The following TTC28 variants were observed in gnomAD, a reference collection of about 807,000 sequenced individuals.
The protein encoded by TTC28 is tetratricopeptide repeat protein 28.
TTC28 carries 61 observed loss-of-function variants against 198.0 expected under a neutral mutation model. The ratio of observed to expected loss-of-function variants is 0.31; its 90% CI spans 0.25 to 0.38. TTC28 has a LOEUF of 0.38. Ranked by LOEUF, TTC28 falls within the 10% of genes least tolerant of loss-of-function variation. The pLI, the probability that TTC28 is intolerant of heterozygous loss-of-function variation, is 1.00. For synonymous variants in TTC28, 1,171 were observed against 1,297.8 expected, an observed-to-expected ratio of 0.90 and a Z score of 2.10; for missense variants, 2,678 against 3,164.0, an observed-to-expected ratio of 0.85 and a Z score of 3.69.
At chr22:28,105,030 G>A (rs989085208) in intron 8 of TTC28, among the ~76,000 whole-genome samples, 1 of 152,310 alleles carries the variant, frequency 6.6e-6, no homozygotes, top group African/African-American at 2.4e-5. Flanking sequence ...GTCACTGAGA[G>A]AGTAAGACAA....
chr22:28,189,052 A>C (rs886608302), intron 5 of TTC28, among the ~76,000 whole-genome samples: 11 of 152,202 alleles, frequency 7.2e-5, no homozygotes, highest in African/African-American at 2.7e-4. Flanking sequence ...CTTCAAAAAA[A>C]ACCACAAAGT....
intron 1 of TTC28, among the ~76,000 whole-genome samples, chr22:28,675,223 C>T (rs1376319273): frequency 6.6e-6 from 1 of 152,116 alleles, no homozygotes; most frequent in African/African-American, 2.4e-5. Flanking sequence ...ATACCACACA[C>T]ACCTCACACC....
intron 2 of TTC28, among the ~76,000 whole-genome samples, chr22:28,312,814 G>C (rs1465403256): frequency 6.6e-6 from 1 of 152,068 alleles, no homozygotes; most frequent in East Asian, 1.9e-4. Context: ...AGAGAAGCAA[G>C]AGCAAACACA....
intron 2 of TTC28, among the ~76,000 whole-genome samples, chr22:28,498,544 G>C (rs1186278562): frequency 1.3e-5 from 2 of 152,066 alleles, no homozygotes; most frequent in Non-Finnish European, 2.9e-5. Context: ...CTAAATCCAG[G>C]TTTCACTTGA....
chr22:28,585,241 G>A (rs549562683), intron 2 of TTC28, among the ~76,000 whole-genome samples: 74 of 152,252 alleles, frequency 4.9e-4, no homozygotes, highest in Middle Eastern at 3.4e-3. Context: ...TTAAGAAGTT[G>A]TAATATATAA....
rs569579508 is a variant in TTC28 at position 28,240,069 on chromosome 22, T to C, written c.933+56129A>G. 6.6e-5 allele frequency among the ~76,000 whole-genome samples: 10 copies of C among 152,352 alleles called. 1 individual carries two copies. The South Asian group carries it at 1.9e-3, about 28-fold the overall frequency. On this transcript the variant is annotated intron_variant, in intron 5 of 22. Transcript: ENST00000397906. ...ACAGAAATGAATGAATCTGACTGTA[T>C]TTCAAATGAGTAATAGAATCATATT...
intron 1 of TTC28, among the ~76,000 whole-genome samples, chr22:28,673,352 C>A (rs1395007059): frequency 1.3e-5 from 2 of 151,884 alleles, no homozygotes; most frequent in Non-Finnish European, 2.9e-5. Flanking sequence ...CCAGCCTGGG[C>A]GACAGAGACT....
intron 2 of TTC28, among the ~76,000 whole-genome samples, chr22:28,588,952 C>T (rs73882783): frequency 2.0e-5 from 3 of 152,304 alleles, no homozygotes; most frequent in African/African-American, 7.2e-5. Context: ...AACTCCAGGC[C>T]AGCAAGATCA....
chr22:28,675,757 A>G (rs1254801272), intron 1 of TTC28, among the ~76,000 whole-genome samples: 2 of 151,448 alleles, frequency 1.3e-5, no homozygotes, highest in Admixed American at 6.6e-5. Context: ...ACACACACAC[A>G]CACACACACA....
intron 1 of TTC28, among the ~76,000 whole-genome samples, 152 bp from the exon 2 acceptor site, chr22:28,629,982 A>C (rs755290155): frequency 1.3e-5 from 2 of 152,146 alleles, no homozygotes; most frequent in Non-Finnish European, 2.9e-5. Context: ...TTTAGGTCAT[A>C]GGAGTAAATC....
intron 5 of TTC28, among the ~76,000 whole-genome samples, chr22:28,289,652 CA>C (rs1319992820): frequency 6.6e-6 from 1 of 152,018 alleles, no homozygotes. Flanking sequence ...GCACTATGAT[CA>C]CACTTGTGAA....
chr22:28,569,341 T>C (rs1395139048), intron 2 of TTC28, among the ~76,000 whole-genome samples: 2 of 151,994 alleles, frequency 1.3e-5, no homozygotes, highest in African/African-American at 4.8e-5. Context: ...AACAACATGA[T>C]ACTGGTACAA....
chr22:28,096,337 G>A lies in TTC28; in HGVS notation c.3619C>T (p.Arg1207Ter). Residue 1207 changes from arginine to a stop codon, truncating the protein, a stop_gained, in exon 11 of 23, where the codon CGA becomes TGA. Coordinates refer to ENST00000397906, the MANE Select transcript of TTC28 (RefSeq NM_001145418.2). LOFTEE classifies it high-confidence loss of function. ...TCGGAGTCTTGTTGTCCTGTTTGTC[G>A]TTCCACCAGAAGATCAGCAAATGCC... ...TRAFADLLVE[R>*]QTGQQDSDPY... The A allele has an allele frequency of 6.4e-7, 1 of 1,551,976 alleles. No homozygotes were observed. Among genetic ancestry groups the A allele is most frequent in the Non-Finnish European group, 8.7e-7 (1 of 1,147,054 alleles).
At position 27,984,550 on chromosome 22, in the gene TTC28, A is replaced by G. The variant is rs377745940; in HGVS notation, c.5815+699T>C. 5.3e-5 allele frequency among the ~76,000 whole-genome samples: 8 copies of G among 152,034 alleles called. No individual in the cohort carries two copies. In the South Asian group the frequency reaches 8.3e-4, roughly 16 times the overall value. On this transcript the variant is annotated intron_variant, in intron 22 of 22. Transcript: ENST00000397906. ...ACCCGCATGCACCCCGGGTGATGCC[A>G]TGCATGTTTCTGTCTCCATGCCAAC...
At chr22:28,015,726 A>T (rs1276992524) in intron 13 of TTC28, among the ~76,000 whole-genome samples, 7 of 151,964 alleles carry the variant, frequency 4.6e-5, no homozygotes, top group Non-Finnish European at 8.8e-5. Context: ...ACACCCCACC[A>T]TCAGTGATCT....
At chr22:28,116,961 C>A (rs1375515163) in intron 6 of TTC28, among the ~76,000 whole-genome samples, 1 of 152,192 alleles carries the variant, frequency 6.6e-6, no homozygotes, top group African/African-American at 2.4e-5. Flanking sequence ...CTTGGATTAC[C>A]TTTCTTGCTC....
At chr22:28,495,635 G>C (rs5762659) in intron 2 of TTC28, among the ~76,000 whole-genome samples, 39,910 of 152,068 alleles carry the variant, frequency 0.26, 6,559 homozygotes, top group South Asian at 0.38. Context: ...TTAAATATAA[G>C]GGAATAAAAG....
rs546509364 is a variant in TTC28, at chr22:28,545,112, G to T, written c.381+84440C>A. On this transcript the variant is annotated intron_variant, in intron 2 of 22. Transcript: ENST00000397906. ...AACCCTCTCTTGGGGTCTGGATGGG[G>T]ACCCCTTTCCAGTAACATCACACTT... Among the ~76,000 whole-genome samples the T allele has an allele frequency of 2.0e-5, 3 of 152,218 alleles. No individual in the cohort carries two copies. The South Asian group carries it at 6.2e-4, about 32-fold the overall frequency.
chr22:28,585,469 G>A lies in TTC28; in HGVS notation c.381+44083C>T, dbSNP rs571118132. Among the ~76,000 whole-genome samples, 11 of 152,276 alleles carry A rather than the reference G, an allele frequency of 7.2e-5. No individual in the cohort carries two copies. In the South Asian group the frequency reaches 1.4e-3, roughly 20 times the overall value. On this transcript the variant is annotated intron_variant, in intron 2 of 22. Transcript: ENST00000397906. Reference sequence around the variant, plus strand: ...TCTAATGCCACTGCTGATCTGACAGGAGGCAGAGCTCAGGCAGTAATGCAA... The same window carrying A: ...TCTAATGCCACTGCTGATCTGACAGAAGGCAGAGCTCAGGCAGTAATGCAA...
Sources: allele counts gnomAD v4.1 joint callset (sites outside exome capture counted in the v4.1 genomes callset), GRCh38; gene constraint gnomAD v4.1.1; transcripts MANE v1.5; gene names NCBI Gene and HGNC (gene_info 2026-07-23, HGNC 2026-07-21).